The following CNKSR3 variants were observed in gnomAD, a reference collection of about 807,000 sequenced individuals.
The protein encoded by CNKSR3 is connector enhancer of kinase suppressor of ras 3.
In CNKSR3, 36 loss-of-function variants were observed where a neutral mutation model predicts 67.7. That is an observed-to-expected ratio of 0.53 (90% CI 0.41 to 0.70). CNKSR3 has a LOEUF of 0.70. Ranked by LOEUF, CNKSR3 falls within the 30% of genes least tolerant of loss-of-function variation. CNKSR3 has a pLI of 0.00. For synonymous variants in CNKSR3, 281 were observed against 271.4 expected, an observed-to-expected ratio of 1.04 and a Z score of -0.35; for missense variants, 630 against 695.2, an observed-to-expected ratio of 0.91 and a Z score of 1.05.
intron 1 of CNKSR3, among the ~76,000 whole-genome samples, chr6:154,504,007 G>T (rs1285521965): frequency 6.6e-6 from 1 of 152,184 alleles, no homozygotes; most frequent in Non-Finnish European, 1.5e-5. Flanking sequence ...TTAAAATGCA[G>T]ATTCTGATTC....
At chr6:154,438,808 C>T (rs1186836628) in intron 4 of CNKSR3, among the ~76,000 whole-genome samples, 7 of 152,182 alleles carry the variant, frequency 4.6e-5, no homozygotes, top group African/African-American at 1.4e-4. Flanking sequence ...AGCATTATTT[C>T]GTTCATATAA....
chr6:154,467,311 C>T (rs1786224723), intron 1 of CNKSR3, among the ~76,000 whole-genome samples: 1 of 152,152 alleles, frequency 6.6e-6, no homozygotes, highest in African/African-American at 2.4e-5. Flanking sequence ...AAGAATGACA[C>T]TTTCCCCAAA....
At chr6:154,505,882 C>T (rs1787092908) in intron 1 of CNKSR3, among the ~76,000 whole-genome samples, 2 of 152,126 alleles carry the variant, frequency 1.3e-5, no homozygotes, top group Non-Finnish European at 2.9e-5. Context: ...CAACCAGTCC[C>T]ACGTCTTCCT....
intron 1 of CNKSR3, among the ~76,000 whole-genome samples, chr6:154,466,176 T>C (rs769655022): frequency 3.3e-5 from 5 of 152,206 alleles, no homozygotes; most frequent in Admixed American, 6.5e-5. Context: ...GCCATTCACA[T>C]TTCAGAAATA....
intron 1 of CNKSR3, among the ~76,000 whole-genome samples, chr6:154,468,219 A>G (rs1786248739): frequency 1.3e-5 from 2 of 151,610 alleles, no homozygotes; most frequent in South Asian, 4.2e-4. Flanking sequence ...AGCCAGGATT[A>G]TAAGCAGGCA....
At chr6:154,509,937 A>G in intron 1 of CNKSR3, 126 bp downstream of exon 1, 2 of 1,021,642 alleles carry the variant, frequency 2.0e-6, no homozygotes, top group Non-Finnish European at 3.0e-6. Flanking sequence ...AGAAGTTTGC[A>G]TTGTCACCGG....
chr6:154,454,418 G>T (rs1275952868), intron 1 of CNKSR3, among the ~76,000 whole-genome samples: 2 of 152,096 alleles, frequency 1.3e-5, no homozygotes, highest in African/African-American at 4.8e-5. Context: ...TGGGCATGCT[G>T]GCTTACTCCT....
intron 1 of CNKSR3, among the ~76,000 whole-genome samples, chr6:154,451,537 ACG>A (rs1582871912): frequency 1.4e-5 from 1 of 71,852 alleles, no homozygotes. Flanking sequence ...ACACACGCAC[ACG>A]CACAGATGCA....
At chr6:154,443,914 G>C (rs1254269960) in intron 2 of CNKSR3, among the ~76,000 whole-genome samples, 3 of 152,012 alleles carry the variant, frequency 2.0e-5, no homozygotes, top group Admixed American at 6.6e-5. Context: ...TGTTCTTTTT[G>C]AACAATGTTC....
intron 1 of CNKSR3, among the ~76,000 whole-genome samples, chr6:154,503,664 A>G (rs1787041284): frequency 6.6e-6 from 1 of 151,872 alleles, no homozygotes; most frequent in South Asian, 2.1e-4. Context: ...AGGCTGTTAT[A>G]AGAACTCTTC....
chr6:154,394,917 T>C lies in CNKSR3; in HGVS notation c.*11437A>G, dbSNP rs568038155. 2 of 152,310 alleles carry C rather than the reference T, an allele frequency of 1.3e-5. No individual in the cohort carries two copies. The highest frequency in any genetic ancestry group is 3.9e-4 in the East Asian group (2 of 5,174). The allele number at this position is 152,310 out of a possible 1,614,324, so 9.4% of individuals were successfully genotyped here. A position where few individuals can be genotyped will look rare whatever the true frequency, so the allele number is the denominator to read the frequency against. ...TTATACCTCCAATGGCCAAATACAT[T>C]TTCTTTCGTCACAGGAACTAAAGGA... is the stretch of plus-strand genomic sequence containing the variant. On this transcript the variant is annotated 3_prime_UTR_variant, in exon 13 of 13. Transcript: ENST00000607772.
intron 12 of CNKSR3, among the ~76,000 whole-genome samples, chr6:154,409,247 T>C (rs1784860674): frequency 1.3e-5 from 2 of 152,196 alleles, no homozygotes; most frequent in African/African-American, 4.8e-5. Context: ...CCTTTTACTA[T>C]CTAAAGCCTA....
intron 1 of CNKSR3, among the ~76,000 whole-genome samples, chr6:154,476,574 A>G (rs1786457040): frequency 6.6e-6 from 1 of 152,182 alleles, no homozygotes; most frequent in South Asian, 2.1e-4. Flanking sequence ...AGTAAATCCA[A>G]AAGAGGAGCC....
chr6:154,497,574 C>T (rs1786904667), intron 1 of CNKSR3, among the ~76,000 whole-genome samples: 1 of 152,054 alleles, frequency 6.6e-6, no homozygotes, highest in African/African-American at 2.4e-5. Context: ...TTGGTTTTAG[C>T]TTTTAGAAAG....
At position 154,404,767 on chromosome 6, in the gene CNKSR3, G is replaced by A. The variant is rs570906678; in HGVS notation, c.*1587C>T. ...GAATCGCTTGAACCTGGAAGGTGGAGGTTGCAGTGAGCTGAGATTGCGCCA... is the reference window on the plus strand; with the variant it reads ...GAATCGCTTGAACCTGGAAGGTGGAAGTTGCAGTGAGCTGAGATTGCGCCA... On this transcript the variant is annotated 3_prime_UTR_variant, in exon 13 of 13. Transcript: ENST00000607772. 25 of 152,456 alleles carry A rather than the reference G, an allele frequency of 1.6e-4. No homozygotes were observed. Among genetic ancestry groups the A allele is most frequent in the Admixed American group, 1.4e-3 (22 of 15,296 alleles). The allele number at this position is 152,456 out of a possible 1,614,324, so 9.4% of individuals were successfully genotyped here. A position where few individuals can be genotyped will look rare whatever the true frequency, so the allele number is the denominator to read the frequency against.
chr6:154,432,391 C>T (rs1272349770), intron 5 of CNKSR3, among the ~76,000 whole-genome samples: 1 of 151,912 alleles, frequency 6.6e-6, no homozygotes, highest in Non-Finnish European at 1.5e-5. Context: ...ATATTTTGTT[C>T]TTGTTCTTTG....
At chr6:154,451,956 C>A (rs58274297) in intron 1 of CNKSR3, among the ~76,000 whole-genome samples, 1 of 152,194 alleles carries the variant, frequency 6.6e-6, no homozygotes, top group East Asian at 1.9e-4. Flanking sequence ...TCGTGGCACG[C>A]GAGTCAGGCA....
chr6:154,413,213 A>G (rs568102034), intron 10 of CNKSR3, among the ~76,000 whole-genome samples: 2 of 151,170 alleles, frequency 1.3e-5, no homozygotes, highest in African/African-American at 4.9e-5. Context: ...ACAAGGTCTG[A>G]GTTTTTCTGT....
At chr6:154,475,303 C>T (rs189295354) in intron 1 of CNKSR3, among the ~76,000 whole-genome samples, 10 of 152,286 alleles carry the variant, frequency 6.6e-5, no homozygotes, top group Admixed American at 4.6e-4. Context: ...TTCTCCACCT[C>T]GTCCCTCCTG....
Sources: allele counts gnomAD v4.1 joint callset (sites outside exome capture counted in the v4.1 genomes callset), GRCh38; gene constraint gnomAD v4.1.1; transcripts MANE v1.5; gene names NCBI Gene and HGNC (gene_info 2026-07-23, HGNC 2026-07-21).